Variants in GLIS3 observed in about 807,000 individuals in gnomAD.
GLIS3 encodes zinc finger protein GLIS3.
GLIS3 carries 53 observed loss-of-function variants against 78.6 expected under a neutral mutation model. That is an observed-to-expected ratio of 0.67 (90% confidence interval 0.54 to 0.85). The LOEUF (loss-of-function observed/expected upper bound fraction) is 0.85. GLIS3 is among the 40% of genes least tolerant of loss of function. GLIS3 has a pLI of 0.00. For missense variants in GLIS3, 1,703 were observed against 1,231.1 expected, an observed-to-expected ratio of 1.38 and a Z score of -5.74; for synonymous variants, 684 against 509.9, an observed-to-expected ratio of 1.34 and a Z score of -4.60.
the GLIS3 span, among the ~76,000 whole-genome samples, chr9:4,467,149 G>A: frequency 6.6e-6 from 1 of 152,218 alleles, no homozygotes; most frequent in South Asian, 2.1e-4. Flanking sequence ...CAAAATGGGT[G>A]GAGCCCACCA....
chr9:4,295,203 T>C lies in GLIS3; in HGVS notation c.-99+4218A>G, dbSNP rs79512196. Among the ~76,000 whole-genome samples, 692 of 152,026 alleles carry C rather than the reference T, an allele frequency of 4.6e-3. 6 individuals carry two copies. The highest frequency in any genetic ancestry group is 0.015 in the African/African-American group (641 of 41,434). ...CTTACTTTTTTTTTTATTATGGGGG[T>C]TGCTGGCCCTCACGAAAGGACGGTG... On this transcript the variant is annotated intron_variant, in intron 1 of 10. Transcript: ENST00000381971.
At chr9:4,119,722 T>G (rs1277631756) in intron 3 of GLIS3, among the ~76,000 whole-genome samples, 2 of 152,190 alleles carry the variant, frequency 1.3e-5, no homozygotes, top group Non-Finnish European at 2.9e-5. Flanking sequence ...TTGCAACAAT[T>G]CCTCTCCTAT....
At chr9:4,454,908 GC>G in the GLIS3 span, among the ~76,000 whole-genome samples, 1 of 152,110 alleles carries the variant, frequency 6.6e-6, no homozygotes. Context: ...ACACTCACAT[GC>G]CTTTAATTCT....
At chr9:4,313,845 A>T (rs905895304) in intron 2 of GLIS3, among the ~76,000 whole-genome samples, 4 of 152,188 alleles carry the variant, frequency 2.6e-5, no homozygotes, top group African/African-American at 4.8e-5. Flanking sequence ...GAGGTAGGTG[A>T]TCAGCGTGCA....
At chr9:4,227,016 A>T (rs1345998596) in intron 2 of GLIS3, among the ~76,000 whole-genome samples, 1 of 152,188 alleles carries the variant, frequency 6.6e-6, no homozygotes, top group Non-Finnish European at 1.5e-5. Context: ...CCTGGGAAGG[A>T]AAACAAGAGT....
intron 2 of GLIS3, among the ~76,000 whole-genome samples, chr9:4,337,288 G>A (rs1817768662): frequency 6.6e-6 from 1 of 152,246 alleles, no homozygotes; most frequent in African/African-American, 2.4e-5. Context: ...GTTAATTATT[G>A]TAACAAAGCT....
At chr9:4,251,902 T>G (rs1563834182) in intron 2 of GLIS3, among the ~76,000 whole-genome samples, 4 of 152,318 alleles carry the variant, frequency 2.6e-5, no homozygotes. Flanking sequence ...GGGTTGAAAA[T>G]TCTTTCCTTT....
chr9:4,209,415 C>G (rs1027509124), intron 2 of GLIS3, among the ~76,000 whole-genome samples: 1 of 152,296 alleles, frequency 6.6e-6, no homozygotes, highest in African/African-American at 2.4e-5. Context: ...GTCTTGGAAT[C>G]TGTACAACAG....
chr9:4,014,968 C>A (rs1238570181), intron 4 of GLIS3, among the ~76,000 whole-genome samples: 1 of 152,220 alleles, frequency 6.6e-6, no homozygotes, highest in East Asian at 1.9e-4. Flanking sequence ...AACACTAAGA[C>A]AGACCCTTCC....
the GLIS3 span, among the ~76,000 whole-genome samples, chr9:4,451,084 G>C: frequency 6.6e-6 from 1 of 152,204 alleles, no homozygotes; most frequent in African/African-American, 2.4e-5. Flanking sequence ...ATCCATCAGT[G>C]TGCTGTATTC....
intron 6 of GLIS3, among the ~76,000 whole-genome samples, chr9:3,918,766 CA>C (rs1161202019): frequency 6.6e-6 from 1 of 152,108 alleles, no homozygotes; most frequent in Admixed American, 6.5e-5. Flanking sequence ...CACAAAAAAA[CA>C]AAAACTGTGG....
intron 4 of GLIS3, among the ~76,000 whole-genome samples, chr9:3,987,761 C>CAAAAAAAAAAAAAAAAA (rs60986898): frequency 6.7e-4 from 7 of 10,462 alleles, no homozygotes; most frequent in Non-Finnish European, 8.6e-4. Flanking sequence ...CTGGATTTGG[C>CAAAAAAAAAAAAAAAAA]AAAAAAAAAA....
intron 2 of GLIS3, among the ~76,000 whole-genome samples, chr9:4,221,579 A>AT (rs548977015): frequency 4.6e-5 from 7 of 151,502 alleles, no homozygotes; most frequent in Non-Finnish European, 1.0e-4. Context: ...ACCTGACTTG[A>AT]TTTTTTTTTC....
At chr9:4,300,182 G>A (rs897850528), upstream of GLIS3, among the ~76,000 whole-genome samples, 1 of 149,310 alleles carries the variant, frequency 6.7e-6, no homozygotes, top group South Asian at 2.1e-4. Flanking sequence ...TTCGAAGGCC[G>A]AGCTTGTGTC....
intron 4 of GLIS3, among the ~76,000 whole-genome samples, chr9:3,944,385 C>A (rs1316159487): frequency 6.6e-6 from 1 of 152,186 alleles, no homozygotes; most frequent in Non-Finnish European, 1.5e-5. Flanking sequence ...CACAGTGCAA[C>A]ATTGATATTT....
At chr9:3,891,174 C>T (rs1216424051) in intron 7 of GLIS3, among the ~76,000 whole-genome samples, 1 of 151,578 alleles carries the variant, frequency 6.6e-6, no homozygotes, top group African/African-American at 2.4e-5. Context: ...AGAACTATAG[C>T]ATGTATTTTT....
chr9:4,181,749 G>C (rs1465523435), intron 2 of GLIS3, among the ~76,000 whole-genome samples: 1 of 152,178 alleles, frequency 6.6e-6, no homozygotes, highest in Non-Finnish European at 1.5e-5. Context: ...TTGAGCATTG[G>C]AGCTTATTGC....
chr9:4,051,957 G>C (rs965935360), intron 4 of GLIS3, among the ~76,000 whole-genome samples: 1 of 152,214 alleles, frequency 6.6e-6, no homozygotes, highest in Non-Finnish European at 1.5e-5. Flanking sequence ...TACAGGGGCT[G>C]AATCTGTCTC....
intron 4 of GLIS3, among the ~76,000 whole-genome samples, chr9:4,038,084 C>A (rs1816616846): frequency 6.6e-6 from 1 of 152,168 alleles, no homozygotes. Flanking sequence ...TCTTTCCCCT[C>A]TTCCTGTTCA....
Sources: allele counts gnomAD v4.1 joint callset (sites outside exome capture counted in the v4.1 genomes callset), GRCh38; gene constraint gnomAD v4.1.1; transcripts MANE v1.5; gene names NCBI Gene and HGNC (gene_info 2026-07-23, HGNC 2026-07-21).